FIP1L1: variants seen among roughly 807,000 people sequenced by gnomAD.
FIP1L1 encodes the protein factor interacting with PAPOLA and CPSF1, also known as pre-mRNA 3'-end-processing factor FIP1.
In FIP1L1, 21 loss-of-function variants were observed where a neutral mutation model predicts 84.6. That is an observed-to-expected ratio of 0.25 (90% CI 0.18 to 0.36). FIP1L1 has a LOEUF of 0.36. Among genes scored for constraint, FIP1L1 ranks in the 10% least tolerant of loss-of-function variants. The probability of loss-of-function intolerance (pLI) is 1.00; values close to 1 mark genes in which losing one functional copy is unlikely to be tolerated. For synonymous variants in FIP1L1, 263 were observed against 242.3 expected, an observed-to-expected ratio of 1.09 and a Z score of -0.80; for missense variants, 526 against 751.1, an observed-to-expected ratio of 0.70 and a Z score of 3.50.
At chr4:53,383,019 T>G (rs1485843438) in intron 4 of FIP1L1, among the ~76,000 whole-genome samples, 8 of 144,488 alleles carry the variant, frequency 5.5e-5, no homozygotes, top group Admixed American at 1.3e-4. Context: ...TGCTTTGGGG[T>G]TTTTTTTTTT....
intron 11 of FIP1L1, among the ~76,000 whole-genome samples, chr4:53,417,763 ACTCTCTCTCTCTCTCTCTCTCT>A (rs58568620): frequency 0.032 from 3,362 of 105,280 alleles, 199 homozygotes; most frequent in African/African-American, 0.072. Context: ...ACACACACAC[ACTCTCTCTCTCTCTCTCTCTCT>A]CTCTCTCTCT....
intron 12 of FIP1L1, among the ~76,000 whole-genome samples, chr4:53,426,628 A>G (rs549962744): frequency 6.6e-6 from 1 of 152,196 alleles, no homozygotes; most frequent in Non-Finnish European, 1.5e-5. Flanking sequence ...CACATCTGGT[A>G]CATCTCTTGA....
intron 15 of FIP1L1, among the ~76,000 whole-genome samples, chr4:53,444,310 A>G (rs1773270286): frequency 6.6e-6 from 1 of 152,236 alleles, no homozygotes; most frequent in South Asian, 2.1e-4. Context: ...AAATTAATTC[A>G]TGGTGACACA....
chr4:53,437,943 T>C (rs1356089720), intron 13 of FIP1L1, among the ~76,000 whole-genome samples: 2 of 151,932 alleles, frequency 1.3e-5, no homozygotes, highest in African/African-American at 4.8e-5. Flanking sequence ...GCCAAGATGG[T>C]CTCCATCTCC....
In FIP1L1 at chr4:53,408,658, A is replaced by C. The variant is rs1755227028; in HGVS notation, c.816-5957A>C. On this transcript the variant is annotated intron_variant, in intron 10 of 17. Coordinates refer to ENST00000337488, the MANE Select transcript of FIP1L1 (RefSeq NM_030917.4). ...AATCAGATGTAGATTTGGTCTTTTC[A>C]CATAGTCCCATATTTCTTGGAGGCT... Among the ~76,000 whole-genome samples the C allele has an allele frequency of 2.0e-5, 3 of 152,034 alleles. No individual in the cohort carries two copies. The South Asian group carries it at 6.2e-4, about 32-fold the overall frequency.
chr4:53,420,197 C>CA (rs1166566869), intron 11 of FIP1L1, among the ~76,000 whole-genome samples: 8,036 of 17,536 alleles, frequency 0.46, 3,411 homozygotes, highest in Non-Finnish European at 0.52. Context: ...GACTCCGTCT[C>CA]AAAAAAAAAA....
Position 53,414,376 on chromosome 4 carries a change from A to T in FIP1L1, c.816-239A>T, listed in dbSNP as rs1435948151. ...TAGTTCTTTTCTCATTTCTGCATTG[A>T]CATCATACTATGTTGAAGAATATTT... On this transcript the variant is annotated intron_variant, in intron 10 of 17. Transcript: ENST00000337488. Among the ~76,000 whole-genome samples the T allele has an allele frequency of 4.6e-5, 7 of 152,266 alleles. No individual in the cohort carries two copies. In the East Asian group the frequency reaches 1.4e-3, roughly 29 times the overall value.
intron 13 of FIP1L1, among the ~76,000 whole-genome samples, chr4:53,432,912 T>C (rs1156262592): frequency 6.6e-6 from 1 of 152,172 alleles, no homozygotes; most frequent in South Asian, 2.1e-4. Flanking sequence ...GATGTTGAAG[T>C]ACATGCATAC....
At chr4:53,398,697 T>A (rs1748677750) in intron 9 of FIP1L1, among the ~76,000 whole-genome samples, 1 of 152,124 alleles carries the variant, frequency 6.6e-6, no homozygotes, top group Non-Finnish European at 1.5e-5. Context: ...AATTTTAAGA[T>A]AAAAAGGTGA....
intron 5 of FIP1L1, among the ~76,000 whole-genome samples, chr4:53,384,228 G>A (rs1273248056): frequency 2.6e-5 from 4 of 152,052 alleles, no homozygotes; most frequent in Non-Finnish European, 5.9e-5. Context: ...GACCAGCATG[G>A]TGAAACCTTA....
intron 10 of FIP1L1, among the ~76,000 whole-genome samples, chr4:53,403,581 A>G (rs1284869675): frequency 6.6e-6 from 1 of 152,174 alleles, no homozygotes; most frequent in Non-Finnish European, 1.5e-5. Context: ...TATCCTGCTG[A>G]TTGTGGAAGT....
Position 53,396,459 on chromosome 4 carries a change from T to A in FIP1L1, c.706-3271T>A, listed in dbSNP as rs6823086. On this transcript the variant is annotated intron_variant, in intron 9 of 17. Coordinates refer to ENST00000337488, the MANE Select transcript of FIP1L1 (RefSeq NM_030917.4). ...CTCTGTCACCCAGGCTAGATAGAGT[T>A]CAGTGGCGCGATCTTGGCTCACTGA... 3.9e-5 allele frequency among the ~76,000 whole-genome samples: 6 copies of A among 152,220 alleles called. No individual in the cohort carries two copies. In the South Asian group the frequency reaches 1.2e-3, roughly 32 times the overall value.
At chr4:53,401,234 C>G (rs1750100763) in intron 10 of FIP1L1, among the ~76,000 whole-genome samples, 1 of 152,162 alleles carries the variant, frequency 6.6e-6, no homozygotes, top group South Asian at 2.1e-4. Context: ...AATAGTTTTT[C>G]TGTACTTTGC....
chr4:53,452,794 C>A, intron 15 of FIP1L1, 126 bp from the exon 16 acceptor site: 1 of 674,308 alleles, frequency 1.5e-6, no homozygotes, highest in Non-Finnish European at 2.5e-6. Context: ...ATTCATTCAC[C>A]ATGTGATATT....
intron 16 of FIP1L1, among the ~76,000 whole-genome samples, chr4:53,457,899 C>CT (rs1254551237): frequency 6.6e-6 from 1 of 152,138 alleles, no homozygotes; most frequent in Non-Finnish European, 1.5e-5. Flanking sequence ...AGACCACCCT[C>CT]TAACTCTAGC....
intron 13 of FIP1L1, chr4:53,440,694 G>A (rs1024754637): frequency 1.7e-5 from 16 of 931,798 alleles, no homozygotes; most frequent in Admixed American, 8.1e-5. Context: ...GTGTTGATGC[G>A]GTTAGAATAT....
At chr4:53,390,142 G>A (rs1487389883) in intron 6 of FIP1L1, among the ~76,000 whole-genome samples, 1 of 152,138 alleles carries the variant, frequency 6.6e-6, no homozygotes, top group East Asian at 1.9e-4. Context: ...GTCTCACCAT[G>A]TTGTTCAGGC....
intron 13 of FIP1L1, among the ~76,000 whole-genome samples, chr4:53,429,957 C>T (rs73250964): frequency 0.018 from 2,798 of 152,248 alleles, 36 homozygotes; most frequent in Admixed American, 0.031. Context: ...TCACCCGTGG[C>T]CCCCAGCCTC....
intron 9 of FIP1L1, among the ~76,000 whole-genome samples, chr4:53,394,192 G>A (rs1190633543): frequency 6.6e-6 from 1 of 152,076 alleles, no homozygotes; most frequent in East Asian, 1.9e-4. Context: ...ATTAATGATA[G>A]GCTGTTTTGT....
Sources: allele counts gnomAD v4.1 joint callset (sites outside exome capture counted in the v4.1 genomes callset), GRCh38; gene constraint gnomAD v4.1.1; transcripts MANE v1.5; gene names NCBI Gene and HGNC (gene_info 2026-07-23, HGNC 2026-07-21).